Variants in DTNA observed in about 807,000 individuals in gnomAD.
DTNA encodes the protein dystrophin-related protein 3.
A neutral mutation model predicts 100.7 loss-of-function variants in DTNA; 43 were observed. That is an observed-to-expected ratio of 0.43 (90% CI 0.33 to 0.55). DTNA has a LOEUF of 0.55. Ranked by LOEUF, DTNA falls within the 20% of genes least tolerant of loss-of-function variation. DTNA has a pLI of 0.04. For synonymous variants in DTNA, 349 were observed against 347.9 expected, an observed-to-expected ratio of 1.00 and a Z score of -0.04; for missense variants, 798 against 953.9, an observed-to-expected ratio of 0.84 and a Z score of 2.15.
At chr18:34,803,999 G>C (rs143187739) in intron 4 of DTNA, among the ~76,000 whole-genome samples, 24 of 152,318 alleles carry the variant, frequency 1.6e-4, no homozygotes, top group Non-Finnish European at 3.2e-4. Flanking sequence ...ATCTCACAAT[G>C]TAGAATCCAG....
chr18:34,733,998 A>G (rs1174226346), intron 1 of DTNA, among the ~76,000 whole-genome samples: 1 of 152,188 alleles, frequency 6.6e-6, no homozygotes, highest in Non-Finnish European at 1.5e-5. Flanking sequence ...CCACACCTTT[A>G]AAATCCATTC....
intron 1 of DTNA, among the ~76,000 whole-genome samples, chr18:34,567,159 C>T (rs372073151): frequency 3.2e-4 from 49 of 152,218 alleles, no homozygotes; most frequent in African/African-American, 1.1e-3. Flanking sequence ...TATGTTCAAG[C>T]GTGCTTGCGT....
intron 4 of DTNA, among the ~76,000 whole-genome samples, chr18:34,797,897 T>C (rs2095049612): frequency 6.6e-6 from 1 of 152,246 alleles, no homozygotes; most frequent in African/African-American, 2.4e-5. Flanking sequence ...AACCATATTT[T>C]ATTCTTCTTA....
chr18:34,886,934 A>G (rs1214875837), intron 22 of DTNA, among the ~76,000 whole-genome samples: 1 of 152,246 alleles, frequency 6.6e-6, no homozygotes, highest in Non-Finnish European at 1.5e-5. Context: ...ATTTCATTAA[A>G]ATATTTTTGT....
intron 4 of DTNA, among the ~76,000 whole-genome samples, chr18:34,801,531 A>G (rs1028341600): frequency 7.5e-6 from 1 of 133,426 alleles, no homozygotes; most frequent in Non-Finnish European, 1.6e-5. Flanking sequence ...TTTTTTTTTG[A>G]GATGGAGTCT....
Position 34,889,017 on chromosome 18 carries a change from A to G in DTNA, c.*1283A>G. 2 of 985,902 alleles carry G rather than the reference A, an allele frequency of 2.0e-6. No individual in the cohort carries two copies. The highest frequency in any genetic ancestry group is 2.4e-6 in the Non-Finnish European group (2 of 829,940). 61.1% of individuals were successfully genotyped at this position (985,902 alleles called of 1,614,324 possible). On this transcript the variant is annotated 3_prime_UTR_variant, in exon 23 of 23. Transcript: ENST00000444659. ...CAAAAGAGCTATCAAAGACAAGAGG[A>G]TAAAAGACTGGGATAGTCTTTTCCA...
At chr18:34,800,135 G>A (rs955067013) in intron 4 of DTNA, among the ~76,000 whole-genome samples, 12 of 152,090 alleles carry the variant, frequency 7.9e-5, no homozygotes, top group Admixed American at 7.2e-4. Flanking sequence ...ATTCAAACAC[G>A]TTATATTTCT....
At position 34,866,167 on chromosome 18, in the gene DTNA, A is replaced by G. The variant is rs1415815345; in HGVS notation, c.1743+2105A>G. On this transcript the variant is annotated intron_variant, in intron 17 of 22. Transcript: ENST00000444659. ...TCCCCTACTGCAGGTCTTAACTAAC[A>G]GTGGAGGGGCCTGCCGACCTGCGGT... The G allele has an allele frequency of 3.1e-6, 5 of 1,614,190 alleles. No homozygotes were observed. In the South Asian group the frequency reaches 5.5e-5, roughly 18 times the overall value.
intron 17 of DTNA, 48 bp downstream of exon 17, chr18:34,864,110 T>G: frequency 6.5e-7 from 1 of 1,541,488 alleles, no homozygotes; most frequent in East Asian, 2.4e-5. Context: ...CCATGTCATC[T>G]GTGAAAATTT....
chr18:34,502,372 T>C (rs2040018224), intron 1 of DTNA, among the ~76,000 whole-genome samples: 1 of 152,198 alleles, frequency 6.6e-6, no homozygotes, highest in Non-Finnish European at 1.5e-5. Flanking sequence ...ATTTCTGCTC[T>C]TATAATTGTT....
intron 1 of DTNA, among the ~76,000 whole-genome samples, chr18:34,724,058 G>A (rs1230539181): frequency 6.6e-6 from 1 of 152,136 alleles, no homozygotes; most frequent in African/African-American, 2.4e-5. Flanking sequence ...TATTTTAATA[G>A]TAGTAATATG....
At chr18:34,707,500 CT>C (rs2082266497), upstream of DTNA, among the ~76,000 whole-genome samples, 1 of 152,094 alleles carries the variant, frequency 6.6e-6, no homozygotes, top group Non-Finnish European at 1.5e-5. Context: ...ACTTTAACAT[CT>C]GACAAAGGAT....
chr18:34,639,550 T>C (rs2059034258), intron 1 of DTNA, among the ~76,000 whole-genome samples: 2 of 152,172 alleles, frequency 1.3e-5, no homozygotes, highest in African/African-American at 4.8e-5. Context: ...CTCCAAGCCT[T>C]CTTCACACCC....
intron 1 of DTNA, among the ~76,000 whole-genome samples, chr18:34,591,837 G>C (rs1352457601): frequency 6.6e-6 from 1 of 152,106 alleles, no homozygotes; most frequent in African/African-American, 2.4e-5. Flanking sequence ...CTAAAAGCTG[G>C]TAAGCCACCA....
intron 16 of DTNA, among the ~76,000 whole-genome samples, chr18:34,863,282 T>C (rs2096652939): frequency 6.6e-6 from 1 of 152,198 alleles, no homozygotes; most frequent in South Asian, 2.1e-4. Context: ...TCCTTAGTTG[T>C]TTTCATTCTT....
intron 1 of DTNA, among the ~76,000 whole-genome samples, chr18:34,715,356 C>G (rs2083819508): frequency 6.6e-6 from 1 of 151,790 alleles, no homozygotes; most frequent in East Asian, 1.9e-4. Context: ...CTGGTCTTCA[C>G]TTCATGGTAT....
intron 1 of DTNA, among the ~76,000 whole-genome samples, chr18:34,704,550 C>A (rs189137392): frequency 1.3e-5 from 2 of 152,338 alleles, no homozygotes; most frequent in East Asian, 1.9e-4. Context: ...TCTCTGTCTA[C>A]TCTCAAATCA....
intron 1 of DTNA, among the ~76,000 whole-genome samples, chr18:34,657,864 A>G (rs2074617645): frequency 6.6e-6 from 1 of 152,228 alleles, no homozygotes; most frequent in Non-Finnish European, 1.5e-5. Flanking sequence ...ACACACTGCC[A>G]TCTTTGTATT....
At chr18:34,840,209 A>G (rs1472890604) in intron 13 of DTNA, among the ~76,000 whole-genome samples, 2 of 151,962 alleles carry the variant, frequency 1.3e-5, no homozygotes, top group Non-Finnish European at 2.9e-5. Flanking sequence ...ATAAAAATGC[A>G]CTCTTTGGCT....
Sources: gnomAD v4.1 joint callset for allele counts (sites outside exome capture counted in the v4.1 genomes callset) on GRCh38, gnomAD v4.1.1 for gene constraint, MANE v1.5 for transcripts, NCBI Gene and HGNC (gene_info 2026-07-23, HGNC 2026-07-21) for gene names.